The following SESTD1 variants were observed in gnomAD, a reference collection of about 807,000 sequenced individuals.
The protein encoded by SESTD1 is SEC14 and spectrin domain containing 1.
In SESTD1, 43 loss-of-function variants were observed where a neutral mutation model predicts 101.7. The ratio of observed to expected loss-of-function variants is 0.42; its 90% confidence interval spans 0.33 to 0.55. The LOEUF (loss-of-function observed/expected upper bound fraction) is 0.55. SESTD1 is among the 20% of genes least tolerant of loss of function. The pLI is 0.07. For missense variants in SESTD1, 647 were observed against 815.1 expected (o/e 0.79, Z 2.51); for synonymous variants, 283 against 286.8 (o/e 0.99, Z 0.13).
chr2:179,178,157 C>A (rs1290410193), intron 3 of SESTD1, among the ~76,000 whole-genome samples: 5 of 152,088 alleles, frequency 3.3e-5, no homozygotes, highest in Admixed American at 2.6e-4. Context: ...TAAAAATCAC[C>A]GAATTGTCTA....
At chr2:179,186,684 A>ATT (rs35153936) in intron 2 of SESTD1, among the ~76,000 whole-genome samples, 76 of 118,644 alleles carry the variant, frequency 6.4e-4, no homozygotes, top group Non-Finnish European at 1.1e-3. Flanking sequence ...TTTTCAGGGA[A>ATT]TTTTTTTTTT....
rs2044810259 is a variant in SESTD1, at chr2:179,123,900, G to A, written c.1168-71C>T. ...TCTAAAGTGTTTAATGATTAATGAG[G>A]TTTATATCTAATGAGGTTATCACAA... is the stretch of plus-strand genomic sequence containing the variant. On this transcript the variant is annotated intron_variant, in intron 11 of 17. Coordinates refer to ENST00000428443, the MANE Select transcript of SESTD1 (RefSeq NM_178123.5). 2.7e-6 allele frequency: 3 copies of A among 1,109,820 alleles called. No homozygotes were observed. In the Admixed American group the frequency reaches 5.4e-5, roughly 20 times the overall value. 68.7% of individuals were successfully genotyped at this position (1,109,820 alleles called of 1,614,324 possible).
At position 179,220,459 on chromosome 2, in the gene SESTD1, C is replaced by G. The variant is rs751098201; in HGVS notation, c.-25-28593G>C. The stretch of plus-strand genomic sequence containing the variant: ...GAATTCCAGGAGGGTCAAGATATTC[C>G]TGGAACCCCCAGCTTTAGAGTATCC... On this transcript the variant is annotated intron_variant, in intron 1 of 17. Coordinates refer to ENST00000428443, the MANE Select transcript of SESTD1 (RefSeq NM_178123.5). 5.9e-5 allele frequency among the ~76,000 whole-genome samples: 9 copies of G among 152,166 alleles called. No individual in the cohort carries two copies. The South Asian group carries it at 1.2e-3, about 21-fold the overall frequency.
chr2:179,213,440 G>A (rs766406106), intron 1 of SESTD1, among the ~76,000 whole-genome samples: 1 of 134,160 alleles, frequency 7.5e-6, no homozygotes, highest in Admixed American at 7.3e-5. Context: ...AGAAAGACAA[G>A]CTTAAAGAAA....
At chr2:179,139,748 C>G (rs1039245083) in intron 9 of SESTD1, among the ~76,000 whole-genome samples, 1 of 152,282 alleles carries the variant, frequency 6.6e-6, no homozygotes, top group South Asian at 2.1e-4. Flanking sequence ...GTTTCCACAT[C>G]CTGCTGACTT....
chr2:179,146,316 T>C (rs945191827), intron 8 of SESTD1, 86 bp downstream of exon 8: 4 of 1,272,290 alleles, frequency 3.1e-6, no homozygotes, highest in South Asian at 1.3e-5. Context: ...ATGTACCACA[T>C]TCATGCTGAA....
At chr2:179,134,010 T>C (rs1488465012) in intron 9 of SESTD1, among the ~76,000 whole-genome samples, 6 of 152,190 alleles carry the variant, frequency 3.9e-5, no homozygotes, top group Non-Finnish European at 5.9e-5. Context: ...GTAGTAGATA[T>C]TATAAGTAAT....
intron 7 of SESTD1, among the ~76,000 whole-genome samples, chr2:179,147,241 A>G (rs1463309482): frequency 6.6e-6 from 1 of 152,136 alleles, no homozygotes; most frequent in Admixed American, 6.5e-5. Flanking sequence ...AAACTAAGCA[A>G]TAACACGTCA....
At chr2:179,137,300 A>G (rs16866650) in intron 9 of SESTD1, among the ~76,000 whole-genome samples, 6,560 of 152,284 alleles carry the variant, frequency 0.043, 168 homozygotes, top group Middle Eastern at 0.099. Context: ...CTCATTTTTA[A>G]AAACTGCATG....
At chr2:179,118,462 C>T (rs1158319505) in intron 13 of SESTD1, among the ~76,000 whole-genome samples, 2 of 151,856 alleles carry the variant, frequency 1.3e-5, no homozygotes, top group African/African-American at 4.8e-5. Flanking sequence ...TCTCAAATAC[C>T]GATAATATGT....
At chr2:179,175,444 A>G (rs990730625) in intron 4 of SESTD1, among the ~76,000 whole-genome samples, 13 of 152,142 alleles carry the variant, frequency 8.5e-5, no homozygotes, top group Non-Finnish European at 1.2e-4. Flanking sequence ...AAAATTCTTG[A>G]TCTTTCTTTC....
At chr2:179,237,706 C>T (rs539799824) in intron 1 of SESTD1, among the ~76,000 whole-genome samples, 17 of 152,298 alleles carry the variant, frequency 1.1e-4, no homozygotes, top group Middle Eastern at 3.4e-3. Flanking sequence ...TAATATGACA[C>T]ATATGCCAAA....
intron 1 of SESTD1, among the ~76,000 whole-genome samples, chr2:179,262,646 A>G (rs2047499504): frequency 6.6e-6 from 1 of 152,218 alleles, no homozygotes; most frequent in African/African-American, 2.4e-5. Flanking sequence ...GTTTGGTACA[A>G]TTTCATTTTT....
At chr2:179,131,485 C>T (rs139010257) in intron 10 of SESTD1, among the ~76,000 whole-genome samples, 1,539 of 152,160 alleles carry the variant, frequency 0.01, 19 homozygotes, top group Middle Eastern at 0.061. Context: ...ACATTTTGAC[C>T]ACCTTTTTTA....
chr2:179,118,281 G>A (rs557273896), intron 13 of SESTD1, among the ~76,000 whole-genome samples: 1 of 152,134 alleles, frequency 6.6e-6, no homozygotes, highest in South Asian at 2.1e-4. Flanking sequence ...ACTGACCTCT[G>A]GGTGTAGAGA....
chr2:179,125,274 C>T (rs1011776695), intron 10 of SESTD1, among the ~76,000 whole-genome samples: 2 of 152,212 alleles, frequency 1.3e-5, no homozygotes, highest in African/African-American at 4.8e-5. Context: ...CACCTACAAT[C>T]CCATGGAATC....
chr2:179,263,633 G>T (rs2047513569), intron 1 of SESTD1, among the ~76,000 whole-genome samples: 1 of 134,844 alleles, frequency 7.4e-6, no homozygotes, highest in Non-Finnish European at 1.6e-5. Flanking sequence ...CTTCTCCCGC[G>T]ATGTCTGTGT....
At chr2:179,182,917 A>AT (rs144432797) in intron 3 of SESTD1, among the ~76,000 whole-genome samples, 163 bp downstream of exon 3, 3,715 of 152,260 alleles carry the variant, frequency 0.024, 142 homozygotes, top group African/African-American at 0.081. Context: ...TAAGCATTTT[A>AT]TCTGCAATGA....
Position 179,124,632 on chromosome 2 carries a change from C to T in SESTD1, c.973-74G>A. 1.6e-6 allele frequency: 2 copies of T among 1,250,062 alleles called. No homozygotes were observed. Among genetic ancestry groups the T allele is most frequent in the Non-Finnish European group, 1.1e-6 (1 of 904,260 alleles). 77.4% of individuals were successfully genotyped at this position (1,250,062 alleles called of 1,614,324 possible). ...GAAGAGATTACATTTTATAATTTCT[C>T]CAGATAAACTAAGTAATACATGATT... On this transcript the variant is annotated intron_variant, in intron 10 of 17. Coordinates refer to ENST00000428443, the MANE Select transcript of SESTD1 (RefSeq NM_178123.5).
Sources: gnomAD v4.1 joint callset for allele counts (sites outside exome capture counted in the v4.1 genomes callset) on GRCh38, gnomAD v4.1.1 for gene constraint, MANE v1.5 for transcripts, NCBI Gene and HGNC (gene_info 2026-07-23, HGNC 2026-07-21) for gene names.